THEMIS: variants seen among roughly 807,000 people sequenced by gnomAD.
THEMIS encodes the protein protein THEMIS.
Under a neutral mutation model 52.6 loss-of-function variants are expected in THEMIS, and 37 were observed. The observed-to-expected ratio is 0.70, with a 90% CI of 0.54 to 0.93. The LOEUF is 0.93. Among genes scored for constraint, THEMIS ranks in the 40% least tolerant of loss-of-function variants. THEMIS has a pLI of 0.00. For synonymous variants in THEMIS, 292 were observed against 272.7 expected (o/e 1.07, Z -0.70); for missense variants, 808 against 763.1 (o/e 1.06, Z -0.69).
chr6:127,754,051 A>G (rs1775737169), intron 4 of THEMIS, among the ~76,000 whole-genome samples: 1 of 152,184 alleles, frequency 6.6e-6, no homozygotes, highest in Non-Finnish European at 1.5e-5. Flanking sequence ...AGCTGTATAC[A>G]TTGAATATGT....
chr6:127,809,821 TG>T (rs1321371888), intron 4 of THEMIS, among the ~76,000 whole-genome samples: 1 of 150,888 alleles, frequency 6.6e-6, no homozygotes, highest in East Asian at 1.9e-4. Context: ...ACTATTTAAA[TG>T]TATAAAATAA....
intron 1 of THEMIS, among the ~76,000 whole-genome samples, chr6:127,911,034 G>A (rs1043478099): frequency 2.6e-5 from 4 of 151,892 alleles, no homozygotes; most frequent in African/African-American, 9.7e-5. Context: ...TTTTCTCATG[G>A]TTCACCTTGG....
chr6:127,728,434 T>G (rs772104408), intron 4 of THEMIS, among the ~76,000 whole-genome samples: 6 of 152,220 alleles, frequency 3.9e-5, no homozygotes, highest in Admixed American at 1.3e-4. Flanking sequence ...TTTCTTACTA[T>G]TTCTGCTTTT....
At chr6:127,866,217 A>G (rs991023547) in intron 1 of THEMIS, among the ~76,000 whole-genome samples, 6 of 152,058 alleles carry the variant, frequency 3.9e-5, no homozygotes, top group Admixed American at 3.3e-4. Flanking sequence ...AAGAATAAAG[A>G]TAGATTAATG....
At chr6:127,743,307 C>G (rs942896219) in intron 4 of THEMIS, among the ~76,000 whole-genome samples, 3 of 152,108 alleles carry the variant, frequency 2.0e-5, no homozygotes, top group African/African-American at 7.2e-5. Context: ...GAAGCCTAAG[C>G]CTAGGAAAAT....
intron 5 of THEMIS, among the ~76,000 whole-genome samples, chr6:127,718,821 T>C (rs661254): frequency 0.42 from 63,452 of 151,622 alleles, 15,654 homozygotes; most frequent in Non-Finnish European, 0.58. Context: ...ATGGGACTTT[T>C]TTATAGGAGT....
chr6:127,855,092 A>T lies in THEMIS; in HGVS notation c.188T>A (p.Ile63Asn). ...GLKVKKIIAE[I>N]CEQIEGCESL... is the part of the protein sequence containing the mutation. Reference sequence around the variant, plus strand: ...CTCACAACCTTCAATCTGCTCACAAATTTCAGCTATGATCTTCTTAACTTT... The same window carrying T: ...CTCACAACCTTCAATCTGCTCACAATTTTCAGCTATGATCTTCTTAACTTT... Residue 63 changes from isoleucine to asparagine, a missense_variant, in exon 2 of 6, where the codon ATT (isoleucine) becomes AAT (asparagine). By Grantham distance (149) the Ile-to-Asn change is moderately radical. Transcript: ENST00000368248. 6.2e-7 allele frequency: 1 copy of T among 1,611,460 alleles called. No homozygotes were observed. Among genetic ancestry groups the T allele is most frequent in the East Asian group, 2.2e-5 (1 of 44,714 alleles).
At chr6:127,826,040 A>C (rs1466398527) in intron 3 of THEMIS, among the ~76,000 whole-genome samples, 2 of 152,208 alleles carry the variant, frequency 1.3e-5, no homozygotes, top group Non-Finnish European at 2.9e-5. Flanking sequence ...GGGAAGTAGG[A>C]ATATAAGAGA....
intron 1 of THEMIS, among the ~76,000 whole-genome samples, chr6:127,860,604 C>T (rs1053664458): frequency 2.6e-5 from 4 of 152,020 alleles, no homozygotes; most frequent in African/African-American, 9.7e-5. Context: ...GTGAGTCTTA[C>T]TTAAAACATC....
intron 2 of THEMIS, among the ~76,000 whole-genome samples, chr6:127,849,375 G>T (rs1431860642): frequency 6.6e-6 from 1 of 151,980 alleles, no homozygotes; most frequent in African/African-American, 2.4e-5. Context: ...CTCCAGCTTT[G>T]TTCTTTTGGC....
chr6:127,861,592 T>G (rs1562306924), intron 1 of THEMIS, among the ~76,000 whole-genome samples: 1 of 151,768 alleles, frequency 6.6e-6, no homozygotes, highest in Non-Finnish European at 1.5e-5. Flanking sequence ...AAGACCAGCC[T>G]GGCCAACATG....
chr6:127,859,378 T>C (rs1779720871), intron 1 of THEMIS, among the ~76,000 whole-genome samples: 1 of 152,200 alleles, frequency 6.6e-6, no homozygotes, highest in South Asian at 2.1e-4. Flanking sequence ...TATGTGATTA[T>C]TATCACTCTT....
At chr6:127,743,991 A>C (rs940464165) in intron 4 of THEMIS, among the ~76,000 whole-genome samples, 1 of 152,098 alleles carries the variant, frequency 6.6e-6, no homozygotes, top group African/African-American at 2.4e-5. Flanking sequence ...TGGAAATAAG[A>C]CTTTTATTAA....
chr6:127,719,014 TAC>T (rs774202541), intron 5 of THEMIS, among the ~76,000 whole-genome samples: 4 of 151,928 alleles, frequency 2.6e-5, no homozygotes, highest in Non-Finnish European at 5.9e-5. Context: ...TAAGAATAAT[TAC>T]AGTTTCAATT....
intron 4 of THEMIS, among the ~76,000 whole-genome samples, chr6:127,790,993 T>C (rs1452993778): frequency 6.6e-6 from 1 of 152,176 alleles, no homozygotes; most frequent in Admixed American, 6.5e-5. Context: ...TGGCTCAGGG[T>C]GCTCCCAGGT....
At chr6:127,820,046 G>A (rs1001355920) in intron 3 of THEMIS, among the ~76,000 whole-genome samples, 2 of 151,984 alleles carry the variant, frequency 1.3e-5, no homozygotes, top group African/African-American at 4.8e-5. Flanking sequence ...TTTCTTATAA[G>A]GTAACTGCAG....
At chr6:127,721,996 C>T (rs1342972196) in intron 4 of THEMIS, among the ~76,000 whole-genome samples, 3 of 151,982 alleles carry the variant, frequency 2.0e-5, no homozygotes, top group African/African-American at 7.2e-5. Context: ...AGTTTATTTA[C>T]TCATAAAAGG....
chr6:127,729,586 C>T (rs1003958296), intron 4 of THEMIS, among the ~76,000 whole-genome samples: 3 of 152,082 alleles, frequency 2.0e-5, no homozygotes, highest in Non-Finnish European at 4.4e-5. Flanking sequence ...AATGTGAGTG[C>T]CTCCCCCTTG....
chr6:127,914,354 T>C (rs1302359681), intron 1 of THEMIS, among the ~76,000 whole-genome samples: 1 of 152,212 alleles, frequency 6.6e-6, no homozygotes, highest in Admixed American at 6.5e-5. Context: ...CTTGCCACTT[T>C]GTAAATTCCT....
Sources: gnomAD v4.1 joint callset for allele counts (sites outside exome capture counted in the v4.1 genomes callset) on GRCh38, gnomAD v4.1.1 for gene constraint, MANE v1.5 for transcripts, NCBI Gene and HGNC (gene_info 2026-07-23, HGNC 2026-07-21) for gene names.